Variants in RBM20 observed in about 807,000 individuals in gnomAD.
RBM20 encodes the protein RNA binding motif protein 20.
A neutral mutation model predicts 110.1 loss-of-function variants in RBM20; 51 were observed. The observed-to-expected ratio is 0.46, with a 90% CI of 0.37 to 0.59. RBM20 has a LOEUF of 0.59. Ranked by LOEUF, RBM20 falls within the 20% of genes least tolerant of loss-of-function variation. The pLI, the probability that RBM20 is intolerant of heterozygous loss-of-function variation, is 0.00. For missense variants in RBM20, 1,512 were observed against 1,574.9 expected (o/e 0.96, Z 0.68); for synonymous variants, 589 against 618.2 (o/e 0.95, Z 0.70).
intron 1 of RBM20, among the ~76,000 whole-genome samples, chr10:110,652,454 T>G (rs1175637616): frequency 2.0e-5 from 3 of 152,196 alleles, no homozygotes; most frequent in Non-Finnish European, 2.9e-5. Context: ...AATAAAACTA[T>G]TTTTTTCTTT....
At chr10:110,782,632 C>CT (rs1462359082) in intron 2 of RBM20, among the ~76,000 whole-genome samples, 1 of 152,176 alleles carries the variant, frequency 6.6e-6, no homozygotes, top group African/African-American at 2.4e-5. Flanking sequence ...GATGAGATGA[C>CT]TTACTCAGCC....
rs183934768 is a variant in RBM20 at position 110,713,534 on chromosome 10, G to T, written c.192-67267G>T. ...TGACACTTTGCACGCTACAGGGGCAGAGTAGTCATTTAATAATTCAGTACT... is the reference window on the plus strand; with the variant it reads ...TGACACTTTGCACGCTACAGGGGCATAGTAGTCATTTAATAATTCAGTACT... On this transcript the variant is annotated intron_variant, in intron 1 of 13. Transcript: ENST00000369519. 1.5e-4 allele frequency among the ~76,000 whole-genome samples: 23 copies of T among 152,310 alleles called. No homozygotes were observed. In the East Asian group the frequency reaches 4.4e-3, roughly 29 times the overall value.
In RBM20 at chr10:110,667,842, C is replaced by T. The variant is rs560149906; in HGVS notation, c.191+23197C>T. Among the ~76,000 whole-genome samples the T allele has an allele frequency of 3.9e-5, 6 of 152,284 alleles. No homozygotes were observed. In the East Asian group the frequency reaches 9.6e-4, roughly 24 times the overall value. On this transcript the variant is annotated intron_variant, in intron 1 of 13. Coordinates refer to ENST00000369519, the MANE Select transcript of RBM20 (RefSeq NM_001134363.3). The stretch of plus-strand genomic sequence containing the variant: ...CCTTTGATTCCTGGGCCCCTGGTGT[C>T]CTGCTCACTTTACCCCCCATGCATG...
rs11195313 is a variant in RBM20, at chr10:110,763,808, C to T, written c.192-16993C>T. 2.3e-4 allele frequency among the ~76,000 whole-genome samples: 29 copies of T among 125,902 alleles called. No individual in the cohort carries two copies. The East Asian group carries it at 4.1e-3, about 18-fold the overall frequency. The allele number at this position is 125,902 out of a possible 152,430, so 82.6% of individuals were successfully genotyped here. ...TACTTTCTGCAAGACTGGTTGAAGGCGTTAGCCTGAGAGCACAGTTTCTCA... is the reference window on the plus strand; with the variant it reads ...TACTTTCTGCAAGACTGGTTGAAGGTGTTAGCCTGAGAGCACAGTTTCTCA... On this transcript the variant is annotated intron_variant, in intron 1 of 13. Transcript: ENST00000369519.
At chr10:110,712,247 CT>C (rs1862943332) in intron 1 of RBM20, among the ~76,000 whole-genome samples, 1 of 152,170 alleles carries the variant, frequency 6.6e-6, no homozygotes, top group Non-Finnish European at 1.5e-5. Flanking sequence ...CATATGCCAG[CT>C]CTGGCCCTCA....
chr10:110,831,052 C>G lies in RBM20; in HGVS notation c.3452-9C>G, dbSNP rs7070640. On this transcript the variant is annotated splice_polypyrimidine_tract_variant and intron_variant, in intron 12 of 13. Transcript: ENST00000369519. ...TAACCCTGCGTGTCTATCCCCCATC[C>G]TTTCCCAGGGGTGGAGTTCGTGGTT... 5.4e-3 allele frequency: 8,433 copies of G among 1,548,570 alleles called. 412 individuals carry two copies. The African/African-American group carries it at 0.1, about 19-fold the overall frequency.
intron 5 of RBM20, among the ~76,000 whole-genome samples, chr10:110,791,777 A>G (rs1844486750): frequency 6.6e-6 from 1 of 152,174 alleles, no homozygotes; most frequent in African/African-American, 2.4e-5. Context: ...GGCAGGCTAA[A>G]GCCTCCCTGA....
chr10:110,688,725 T>C (rs1199646475), intron 1 of RBM20, among the ~76,000 whole-genome samples: 2 of 152,222 alleles, frequency 1.3e-5, no homozygotes, highest in Admixed American at 6.5e-5. Context: ...ATACCTTACA[T>C]AACCATGGTA....
Position 110,768,718 on chromosome 10 carries a change from A to T in RBM20, c.192-12083A>T, listed in dbSNP as rs935629226. Among the ~76,000 whole-genome samples, 137 of 152,200 alleles carry T rather than the reference A, an allele frequency of 9.0e-4. 3 individuals are homozygous for T. Among genetic ancestry groups the T allele is most frequent in the Non-Finnish European group, 2.6e-4 (18 of 68,020 alleles). On this transcript the variant is annotated intron_variant, in intron 1 of 13. Transcript: ENST00000369519. ...ACTTGGGAGTTTGAAAGATTCTAGGATGTGGATGATGTCCTCAAGGTGCTT... is the reference window on the plus strand; with the variant it reads ...ACTTGGGAGTTTGAAAGATTCTAGGTTGTGGATGATGTCCTCAAGGTGCTT...
chr10:110,831,696 G>T (rs1476659679), intron 13 of RBM20, among the ~76,000 whole-genome samples: 1 of 128,830 alleles, frequency 7.8e-6, no homozygotes, highest in South Asian at 2.5e-4. Context: ...AAAAAACACT[G>T]CTTTGTTCTT....
chr10:110,716,793 T>G (rs1010621791), intron 1 of RBM20, among the ~76,000 whole-genome samples: 1 of 151,402 alleles, frequency 6.6e-6, no homozygotes, highest in Non-Finnish European at 1.5e-5. Flanking sequence ...GGTGGGCGCC[T>G]GTAGTCCCAG....
chr10:110,801,973 G>A (rs1032701073), intron 7 of RBM20, among the ~76,000 whole-genome samples: 1 of 152,124 alleles, frequency 6.6e-6, no homozygotes, highest in African/African-American at 2.4e-5. Flanking sequence ...ATCTGCCCAT[G>A]CTTTTCTTTT....
At chr10:110,684,856 CT>C (rs1411834567) in intron 1 of RBM20, among the ~76,000 whole-genome samples, 1 of 152,200 alleles carries the variant, frequency 6.6e-6, no homozygotes, top group Admixed American at 6.5e-5. Context: ...ATGTAGACCT[CT>C]TGAAGCTTGG....
At chr10:110,823,387 T>C (rs951413579) in intron 11 of RBM20, 93 bp from the exon 12 acceptor site, 1 of 1,431,568 alleles carries the variant, frequency 7.0e-7, no homozygotes, top group Non-Finnish European at 9.3e-7. Flanking sequence ...AATCATACTA[T>C]GCAGGCATAG....
chr10:110,719,740 A>T (rs1293707806), intron 1 of RBM20, among the ~76,000 whole-genome samples: 5 of 152,100 alleles, frequency 3.3e-5, no homozygotes, highest in Non-Finnish European at 7.4e-5. Context: ...TAGAGATTTC[A>T]TCCAGTATTG....
chr10:110,655,424 T>C (rs1327164152), intron 1 of RBM20, among the ~76,000 whole-genome samples: 3 of 152,250 alleles, frequency 2.0e-5, no homozygotes, highest in East Asian at 1.9e-4. Context: ...AGACCTAAAT[T>C]TGATGCTCAC....
At chr10:110,754,331 A>G (rs1843895933) in intron 1 of RBM20, among the ~76,000 whole-genome samples, 2 of 152,158 alleles carry the variant, frequency 1.3e-5, no homozygotes, top group African/African-American at 4.8e-5. Flanking sequence ...TACATTCCTT[A>G]ACATTTACTT....
chr10:110,803,997 G>T (rs778602354), intron 7 of RBM20, among the ~76,000 whole-genome samples: 1 of 152,052 alleles, frequency 6.6e-6, no homozygotes, highest in Non-Finnish European at 1.5e-5. Flanking sequence ...GGGATGGGCC[G>T]TAGCAGCCCA....
At chr10:110,687,992 G>GTT (rs1232817258) in intron 1 of RBM20, among the ~76,000 whole-genome samples, 2 of 115,752 alleles carry the variant, frequency 1.7e-5, no homozygotes, top group South Asian at 3.4e-4. Context: ...CTCCTAAATG[G>GTT]TTTTGTGTGT....
Sources: allele counts gnomAD v4.1 joint callset (sites outside exome capture counted in the v4.1 genomes callset), GRCh38; gene constraint gnomAD v4.1.1; transcripts MANE v1.5; gene names NCBI Gene and HGNC (gene_info 2026-07-23, HGNC 2026-07-21).